SMAD4: variants seen among roughly 807,000 people sequenced by gnomAD.
SMAD4 encodes the protein MAD homolog 4.
SMAD4 carries 7 observed loss-of-function variants against 63.2 expected under a neutral mutation model. That is an observed-to-expected ratio of 0.11 (90% CI 0.06 to 0.21). SMAD4 has a LOEUF of 0.21. Ranked by LOEUF, SMAD4 falls within the 10% of genes least tolerant of loss-of-function variation. The pLI, the probability that SMAD4 is intolerant of heterozygous loss-of-function variation, is 1.00. For missense variants in SMAD4, 312 were observed against 693.8 expected (o/e 0.45, Z 6.18); for synonymous variants, 215 against 235.4 (o/e 0.91, Z 0.79).
chr18:51,050,100 G>A (rs1217985057), intron 4 of SMAD4, among the ~76,000 whole-genome samples: 1 of 152,178 alleles, frequency 6.6e-6, no homozygotes, highest in Non-Finnish European at 1.5e-5. Context: ...GTTCACACCT[G>A]TAATCCCAGT....
intron 10 of SMAD4, among the ~76,000 whole-genome samples, chr18:51,075,313 C>T (rs1910444031): frequency 6.6e-6 from 1 of 152,094 alleles, no homozygotes. Context: ...AGTTCTAAAA[C>T]TATTGTTTAT....
intron 8 of SMAD4, 60 bp downstream of exon 8, chr18:51,059,976 C>A (rs2144433981): frequency 8.0e-7 from 1 of 1,245,032 alleles, no homozygotes; most frequent in Non-Finnish European, 1.2e-6. Context: ...GATTGAAACG[C>A]ACAAACACAG....
At position 51,034,244 on chromosome 18, in the gene SMAD4, CTTTTTCTTT is replaced by C. The variant is rs1032567904; in HGVS notation, c.-128+3627_-128+3635del. 1.3e-4 allele frequency among the ~76,000 whole-genome samples: 17 copies of C among 134,524 alleles called. No individual in the cohort carries two copies. In the East Asian group the frequency reaches 2.3e-3, roughly 18 times the overall value. 88.3% of individuals were successfully genotyped at this position (134,524 alleles called of 152,430 possible). ...TTTCTCCCTTTTTCTTCTTTTTCTT[CTTTTTCTTT>C]TTTTTTTTCTGAGACGGAGTTTCGC... On this transcript the variant is annotated intron_variant, in intron 1 of 11. Coordinates refer to ENST00000342988, the MANE Select transcript of SMAD4 (RefSeq NM_005359.6).
Position 51,083,518 on chromosome 18 carries a change from TTC to T in SMAD4, c.*5057_*5058del. 4.4e-6 allele frequency: 1 copy of T among 228,582 alleles called. No individual in the cohort carries two copies. The highest frequency in any genetic ancestry group is 5.7e-5 in the Admixed American group (1 of 17,636). 14.2% of individuals were successfully genotyped at this position (228,582 alleles called of 1,614,324 possible). ...GAAAACCTTTGGTGAAGACAATCAT[TTC>T]TCTCTGTTGATGTGGATACTTTTCA... On this transcript the variant is annotated 3_prime_UTR_variant, in exon 12 of 12. Transcript: ENST00000342988.
chr18:51,040,864 T>C (rs574340012), intron 1 of SMAD4, among the ~76,000 whole-genome samples: 44 of 152,358 alleles, frequency 2.9e-4, no homozygotes, highest in African/African-American at 1.1e-3. Context: ...GCCTTTCAGA[T>C]AGGCCTAACT....
intron 1 of SMAD4, among the ~76,000 whole-genome samples, chr18:51,037,794 A>C (rs769569798): frequency 6.6e-6 from 1 of 152,150 alleles, no homozygotes; most frequent in Non-Finnish European, 1.5e-5. Flanking sequence ...TTTAGATTTG[A>C]GTATTTGGCA....
chr18:51,048,500 TA>T (rs1909611749), intron 2 of SMAD4, among the ~76,000 whole-genome samples, 185 bp from the exon 3 acceptor site: 1 of 152,254 alleles, frequency 6.6e-6, no homozygotes, highest in African/African-American at 2.4e-5. Flanking sequence ...CTTGAAATTA[TA>T]CCAAGGTTTA....
At chr18:51,037,804 A>AG (rs777888737) in intron 1 of SMAD4, among the ~76,000 whole-genome samples, 1 of 152,216 alleles carries the variant, frequency 6.6e-6, no homozygotes, top group Non-Finnish European at 1.5e-5. Flanking sequence ...AGTATTTGGC[A>AG]GGTAATTCCT....
chr18:51,063,315 T>C (rs1910067674), intron 8 of SMAD4, among the ~76,000 whole-genome samples: 1 of 152,204 alleles, frequency 6.6e-6, no homozygotes, highest in Non-Finnish European at 1.5e-5. Flanking sequence ...CTCTGTAGTT[T>C]TGGTTTAACC....
chr18:51,054,572 A>G (rs1909790011), intron 4 of SMAD4: 2 of 542,746 alleles, frequency 3.7e-6, no homozygotes, highest in Non-Finnish European at 6.6e-6. Flanking sequence ...ATTGATTGAT[A>G]AAATATATCT....
At chr18:51,067,554 AGGCACATGTTACT>A (rs1290820661) in intron 10 of SMAD4, among the ~76,000 whole-genome samples, 2 of 152,084 alleles carry the variant, frequency 1.3e-5, no homozygotes, top group East Asian at 3.9e-4. Context: ...CTGGGATTAC[AGGCACATGTTACT>A]GTGCCTGGCA....
chr18:51,063,099 G>A (rs551873195), intron 8 of SMAD4, among the ~76,000 whole-genome samples: 7 of 151,014 alleles, frequency 4.6e-5, no homozygotes, highest in Admixed American at 6.6e-5. Flanking sequence ...TGATCTGCCC[G>A]CCTCGGCCTC....
At chr18:51,042,385 C>T (rs1425780879) in intron 1 of SMAD4, among the ~76,000 whole-genome samples, 2 of 145,682 alleles carry the variant, frequency 1.4e-5, no homozygotes, top group Admixed American at 1.4e-4. Flanking sequence ...CCCTCCCTGC[C>T]TCCCTCCCTT....
chr18:51,074,451 G>A (rs1910419062), intron 10 of SMAD4, among the ~76,000 whole-genome samples: 2 of 152,170 alleles, frequency 1.3e-5, no homozygotes, highest in South Asian at 2.1e-4. Context: ...CATCATAAAT[G>A]TGTACAAACC....
At chr18:51,059,127 CAT>C (rs1909931914) in intron 7 of SMAD4, among the ~76,000 whole-genome samples, 1 of 152,168 alleles carries the variant, frequency 6.6e-6, no homozygotes, top group African/African-American at 2.4e-5. Flanking sequence ...TCCTTCCAGT[CAT>C]ATAAACAGGT....
intron 1 of SMAD4, among the ~76,000 whole-genome samples, chr18:51,040,070 T>C (rs1004930933): frequency 4.0e-4 from 61 of 152,138 alleles, no homozygotes; most frequent in African/African-American, 1.3e-3. Flanking sequence ...GTTTAGAGTT[T>C]ATTCCTAGTA....
chr18:51,083,416 T>A lies in SMAD4; in HGVS notation c.*4949T>A. ...GCTAGTGTTTTCAGGGATTTTAACATCAGACTGGAATGAATGAATGAAACT... is the reference window on the plus strand; with the variant it reads ...GCTAGTGTTTTCAGGGATTTTAACAACAGACTGGAATGAATGAATGAAACT... On this transcript the variant is annotated 3_prime_UTR_variant, in exon 12 of 12. Coordinates refer to ENST00000342988, the MANE Select transcript of SMAD4 (RefSeq NM_005359.6). 4.4e-6 allele frequency: 1 copy of A among 228,888 alleles called. No homozygotes were observed. The allele number at this position is 228,888 out of a possible 1,614,324, so 14.2% of individuals were successfully genotyped here. A position where few individuals can be genotyped will look rare whatever the true frequency, so the allele number is the denominator to read the frequency against.
chr18:51,037,803 C>T (rs1327093797), intron 1 of SMAD4, among the ~76,000 whole-genome samples: 1 of 152,104 alleles, frequency 6.6e-6, no homozygotes, highest in Non-Finnish European at 1.5e-5. Flanking sequence ...GAGTATTTGG[C>T]AGGTAATTCC....
rs564293980 is a variant in SMAD4 at position 51,035,080 on chromosome 18, C to G, written c.-128+4457C>G. On this transcript the variant is annotated intron_variant, in intron 1 of 11. Transcript: ENST00000342988. ...ACACACATGTACAGTGTAGCCATCTCACACATCTAACTTAACGGGTCTTTT... is the reference window on the plus strand; with the variant it reads ...ACACACATGTACAGTGTAGCCATCTGACACATCTAACTTAACGGGTCTTTT... Among the ~76,000 whole-genome samples the G allele has an allele frequency of 1.2e-3, 177 of 152,354 alleles. 1 individual carries two copies. Among genetic ancestry groups the G allele is most frequent in the African/African-American group, 3.9e-3 (161 of 41,576 alleles).
Sources: gnomAD v4.1 joint callset for allele counts (sites outside exome capture counted in the v4.1 genomes callset) on GRCh38, gnomAD v4.1.1 for gene constraint, MANE v1.5 for transcripts, NCBI Gene and HGNC (gene_info 2026-07-23, HGNC 2026-07-21) for gene names.